ATP2C1: variants seen among roughly 807,000 people sequenced by gnomAD.
ATP2C1 encodes the protein calcium-transporting ATPase type 2C member 1.
ATP2C1 carries 31 observed loss-of-function variants against 120.5 expected under a neutral mutation model. That is an observed-to-expected ratio of 0.26 (90% CI 0.19 to 0.35). The LOEUF (loss-of-function observed/expected upper bound fraction) is 0.35. Among genes scored for constraint, ATP2C1 ranks in the 10% least tolerant of loss-of-function variants. The pLI, the probability that ATP2C1 is intolerant of heterozygous loss-of-function variation, is 1.00. For missense variants in ATP2C1, 731 were observed against 1,107.5 expected (o/e 0.66, Z 4.83); for synonymous variants, 351 against 358.7 (o/e 0.98, Z 0.24).
At chr3:130,961,111 A>G (rs1467235839) in intron 12 of ATP2C1, among the ~76,000 whole-genome samples, 2 of 152,104 alleles carry the variant, frequency 1.3e-5, no homozygotes, top group Admixed American at 1.3e-4. Context: ...TGAAAATGCA[A>G]TTTGAAACTC....
rs751186577 is a variant in ATP2C1 at position 131,001,261 on chromosome 3, G to C, written c.2671G>C (p.Val891Leu). The change falls in exon 28 of 28, where the codon GTG becomes CTG. Residue 891 changes from valine (V) to leucine (L), a missense_variant. Transcript: ENST00000510168. ...GGGTCTCACCTCATCAGTGTGCATA[G>C]TGGCAGAAATTATAAAGAAGGTTGA... ...LLGLTSSVCIVAEIIKKVERS... is the reference protein window; with the variant it reads ...LLGLTSSVCILAEIIKKVERS... 1 of 1,613,792 alleles carries C rather than the reference G, an allele frequency of 6.2e-7. No individual in the cohort carries two copies. Among genetic ancestry groups the C allele is most frequent in the Non-Finnish European group, 8.5e-7 (1 of 1,179,932 alleles).
chr3:130,901,366 T>C lies in ATP2C1; in HGVS notation c.6+6591T>C, dbSNP rs3773795. 0.011 allele frequency among the ~76,000 whole-genome samples: 1,734 copies of C among 152,118 alleles called. 133 individuals are homozygous for C. The East Asian group carries it at 0.21, about 19-fold the overall frequency. On this transcript the variant is annotated intron_variant, in intron 2 of 27. Transcript: ENST00000510168. ...TATCTTGATATGTACCCCTAATTCA[T>C]ATGAGGGGCCAAGAGAGATTAGTTA...
intron 8 of ATP2C1, among the ~76,000 whole-genome samples, chr3:130,948,446 T>G (rs2060237901): frequency 6.6e-6 from 1 of 152,144 alleles, no homozygotes; most frequent in Non-Finnish European, 1.5e-5. Flanking sequence ...TGTGATAAGT[T>G]GTTTCTGTGG....
chr3:130,906,454 A>G (rs2108052732), intron 2 of ATP2C1, among the ~76,000 whole-genome samples: 1 of 152,146 alleles, frequency 6.6e-6, no homozygotes, highest in Non-Finnish European at 1.5e-5. Context: ...CTTTTTGTCA[A>G]AAAATAACAC....
intron 1 of ATP2C1, among the ~76,000 whole-genome samples, chr3:130,872,534 C>A (rs1488314412): frequency 6.6e-6 from 1 of 151,368 alleles, no homozygotes; most frequent in Non-Finnish European, 1.5e-5. Flanking sequence ...CTATGCCTAT[C>A]TGTGATTATT....
chr3:130,992,377 A>G (rs2062397639), intron 20 of ATP2C1, among the ~76,000 whole-genome samples: 1 of 152,252 alleles, frequency 6.6e-6, no homozygotes, highest in Non-Finnish European at 1.5e-5. Context: ...CAGTGAAACG[A>G]TTTTAGATCA....
At chr3:130,982,650 A>C (rs1184584922) in intron 20 of ATP2C1, among the ~76,000 whole-genome samples, 1 of 152,246 alleles carries the variant, frequency 6.6e-6, no homozygotes, top group Non-Finnish European at 1.5e-5. Context: ...ATTGTTACTA[A>C]TAAAATGTGC....
At chr3:130,910,419 C>T (rs7643168) in intron 2 of ATP2C1, among the ~76,000 whole-genome samples, 93 of 141,182 alleles carry the variant, frequency 6.6e-4, no homozygotes, top group African/African-American at 2.5e-3. Flanking sequence ...TTCCTCTTTT[C>T]CTAATTGAAT....
intron 1 of ATP2C1, among the ~76,000 whole-genome samples, chr3:130,883,208 G>A (rs2068841770): frequency 6.6e-6 from 1 of 151,942 alleles, no homozygotes; most frequent in Non-Finnish European, 1.5e-5. Context: ...TTTCATCTCT[G>A]ATTTTATTTA....
intron 1 of ATP2C1, among the ~76,000 whole-genome samples, chr3:130,852,105 C>T (rs1308956374): frequency 6.6e-6 from 1 of 152,190 alleles, no homozygotes; most frequent in Non-Finnish European, 1.5e-5. Flanking sequence ...TAGGCTGGTC[C>T]AGTTTATCTT....
At chr3:130,915,840 G>T (rs1055383187) in intron 2 of ATP2C1, among the ~76,000 whole-genome samples, 5 of 152,220 alleles carry the variant, frequency 3.3e-5, no homozygotes, top group African/African-American at 1.2e-4. Context: ...TGCCACTTCA[G>T]TAGTGTGGTT....
intron 2 of ATP2C1, among the ~76,000 whole-genome samples, chr3:130,897,835 TC>T (rs932014878): frequency 5.3e-5 from 8 of 152,224 alleles, no homozygotes; most frequent in African/African-American, 1.9e-4. Flanking sequence ...AATGTTAATT[TC>T]CTGGAATTTT....
At chr3:131,005,664 A>C (rs2063079929), downstream of ATP2C1, among the ~76,000 whole-genome samples, 1 of 152,218 alleles carries the variant, frequency 6.6e-6, no homozygotes, top group Non-Finnish European at 1.5e-5. Context: ...AAAAACAAGC[A>C]TCCATTTTTT....
intron 23 of ATP2C1, 74 bp from the exon 24 acceptor site, chr3:130,996,606 T>C: frequency 1.0e-6 from 1 of 997,242 alleles, no homozygotes; most frequent in Non-Finnish European, 1.6e-6. Context: ...GATTTTTAAA[T>C]GCTAAAAAAG....
At chr3:130,883,945 C>CTTTTTTTTTTTT (rs35365168) in intron 1 of ATP2C1, among the ~76,000 whole-genome samples, 3 of 122,438 alleles carry the variant, frequency 2.5e-5, no homozygotes, top group Non-Finnish European at 5.0e-5. Context: ...TTCTTTTCTT[C>CTTTTTTTTTTTT]TTTTTTTTTT....
intron 2 of ATP2C1, among the ~76,000 whole-genome samples, chr3:130,903,520 C>T (rs2057965126): frequency 6.6e-6 from 1 of 151,748 alleles, no homozygotes; most frequent in African/African-American, 2.4e-5. Context: ...TTAGGTTCAC[C>T]AGTTAGCTGC....
intron 2 of ATP2C1, among the ~76,000 whole-genome samples, chr3:130,914,815 A>G (rs911559900): frequency 1.3e-5 from 2 of 152,358 alleles, no homozygotes; most frequent in East Asian, 1.9e-4. Context: ...TCCCTACCCC[A>G]TAACATACCT....
At chr3:130,860,189 C>T (rs2067970632) in intron 1 of ATP2C1, among the ~76,000 whole-genome samples, 1 of 152,228 alleles carries the variant, frequency 6.6e-6, no homozygotes, top group Non-Finnish European at 1.5e-5. Flanking sequence ...CCTAAATTTG[C>T]TATCCCATTC....
intron 17 of ATP2C1, among the ~76,000 whole-genome samples, chr3:130,969,706 A>C (rs1333757262): frequency 6.6e-6 from 1 of 152,194 alleles, no homozygotes; most frequent in Admixed American, 6.5e-5. Flanking sequence ...TCTCTTCTTC[A>C]TGACAGTTCC....
Sources: gnomAD v4.1 joint callset for allele counts (sites outside exome capture counted in the v4.1 genomes callset) on GRCh38, gnomAD v4.1.1 for gene constraint, MANE v1.5 for transcripts, NCBI Gene and HGNC (gene_info 2026-07-23, HGNC 2026-07-21) for gene names.